Variants in RIPK4 observed in about 807,000 individuals in gnomAD.
RIPK4 encodes the protein receptor interacting serine/threonine kinase 4.
RIPK4 carries 17 observed loss-of-function variants against 42.9 expected under a neutral mutation model. The observed-to-expected ratio is 0.40, with a 90% CI of 0.27 to 0.59. The LOEUF (loss-of-function observed/expected upper bound fraction) is 0.59. Ranked by LOEUF, RIPK4 falls within the 20% of genes least tolerant of loss-of-function variation. The probability of loss-of-function intolerance (pLI) is 0.47; values close to 1 mark genes in which losing one functional copy is unlikely to be tolerated. For synonymous variants in RIPK4, 498 were observed against 499.1 expected (o/e 1.00, Z 0.03); for missense variants, 897 against 1,104.4 (o/e 0.81, Z 2.66).
At chr21:41,745,684 G>T in intron 6 of RIPK4, 75 bp downstream of exon 6, 3 of 1,133,040 alleles carry the variant, frequency 2.6e-6, no homozygotes, top group Non-Finnish European at 4.0e-6. Context: ...GGGGGACTCT[G>T]CAAAGAGGAG....
chr21:41,750,429 C>G (rs139980082), intron 3 of RIPK4, among the ~76,000 whole-genome samples: 75 of 152,342 alleles, frequency 4.9e-4, no homozygotes, highest in African/African-American at 1.6e-3. Context: ...GCTCGCCTCA[C>G]AAAATCAGAG....
intron 6 of RIPK4, among the ~76,000 whole-genome samples, chr21:41,745,172 A>G (rs1330902522): frequency 6.6e-6 from 1 of 152,148 alleles, no homozygotes; most frequent in Non-Finnish European, 1.5e-5. Flanking sequence ...TATTCCTGAT[A>G]TACATATTTC....
intron 1 of RIPK4, among the ~76,000 whole-genome samples, chr21:41,758,069 GA>G: frequency 7.6e-6 from 1 of 131,396 alleles, no homozygotes; most frequent in African/African-American, 3.0e-5. Context: ...GAGAGAGAGA[GA>G]GAGAGAAAAT....
intron 3 of RIPK4, among the ~76,000 whole-genome samples, chr21:41,749,818 T>C (rs1379463464): frequency 1.4e-5 from 2 of 140,120 alleles, no homozygotes; most frequent in Admixed American, 7.5e-5. Context: ...TGCTTAGAAA[T>C]ATATAGATAA....
intron 2 of RIPK4, among the ~76,000 whole-genome samples, chr21:41,752,875 C>T (rs927333495): frequency 4.6e-5 from 7 of 152,036 alleles, no homozygotes; most frequent in African/African-American, 9.7e-5. Context: ...CTAATGCATG[C>T]GGGTCTTAAA....
Position 41,755,273 on chromosome 21 carries a change from G to A in RIPK4, c.474+1252C>T, listed in dbSNP as rs2061199932. ...TCTCAATTTCCTACTTCACTTCGCA[G>A]GACGGTGCTTCATCTTCTAGCTGAA... is the stretch of plus-strand genomic sequence containing the variant. On this transcript the variant is annotated intron_variant, in intron 2 of 7. Transcript: ENST00000332512. This position sits in a 1 kb window ranked among gnomAD's most constrained non-coding sequence, Gnocchi z 4.2. Among the ~76,000 whole-genome samples the A allele has an allele frequency of 1.3e-5, 2 of 152,184 alleles. No homozygotes were observed. The highest frequency in any genetic ancestry group is 2.1e-4 in the South Asian group (1 of 4,830).
rs958289322 is a variant in RIPK4 at position 41,739,434 on chromosome 21, G to C, written c.*1404C>G. The stretch of plus-strand genomic sequence containing the variant: ...TCAAATGGAACTTCTTGTCCCTCAC[G>C]CAGTCCACACAACAGTAAAGGCACA... On this transcript the variant is annotated 3_prime_UTR_variant, in exon 8 of 8. Transcript: ENST00000332512. The C allele has an allele frequency of 6.6e-6, 1 of 152,136 alleles. No homozygotes were observed. Among genetic ancestry groups the C allele is most frequent in the Non-Finnish European group, 1.5e-5 (1 of 68,022 alleles). 9.4% of individuals were successfully genotyped at this position (152,136 alleles called of 1,614,324 possible). A position where few individuals can be genotyped will look rare whatever the true frequency, so the allele number is the denominator to read the frequency against.
chr21:41,749,131 A>G (rs750305027), intron 4 of RIPK4, 23 bp downstream of exon 4: 58 of 1,612,716 alleles, frequency 3.6e-5, no homozygotes, highest in Non-Finnish European at 3.7e-5. Context: ...AGCACATTAC[A>G]CCTCAAAGAC....
At position 41,755,817 on chromosome 21, in the gene RIPK4, AAAGGAGATAC is replaced by A. The variant is rs1445814506; in HGVS notation, c.474+698_474+707del. Among the ~76,000 whole-genome samples, 2 of 152,220 alleles carry A rather than the reference AAAGGAGATAC, an allele frequency of 1.3e-5. No individual in the cohort carries two copies. Among genetic ancestry groups the A allele is most frequent in the Admixed American group, 1.3e-4 (2 of 15,286 alleles). ...TACAACCCTAGCCACGAAGGCCATCAAAGGAGATACAAGGAAATACAGCCCTGATGCAAAG... is the reference window on the plus strand; with the variant it reads ...TACAACCCTAGCCACGAAGGCCATCAAAGGAAATACAGCCCTGATGCAAAG... On this transcript the variant is annotated intron_variant, in intron 2 of 7. Coordinates refer to ENST00000332512, the MANE Select transcript of RIPK4 (RefSeq NM_020639.3). This position sits in a 1 kb window ranked among gnomAD's most constrained non-coding sequence, Gnocchi z 4.2.
rs1461744675 is a variant in RIPK4 at position 41,751,043 on chromosome 21, T to C, written c.623+54A>G. The C allele has an allele frequency of 6.3e-7, 1 of 1,582,402 alleles. No homozygotes were observed. Among genetic ancestry groups the C allele is most frequent in the Admixed American group, 1.7e-5 (1 of 57,492 alleles). On this transcript the variant is annotated intron_variant, in intron 3 of 7. Transcript: ENST00000332512. This position sits in a 1 kb window ranked among gnomAD's most constrained non-coding sequence, Gnocchi z 4.5. ...AGCTGCAGCTCAGGGCATGAAGCAT[T>C]GAGGTTGAGAGCCCCTGGCACCCAC...
At position 41,741,060 on chromosome 21, in the gene RIPK4, G is replaced by A. The variant is rs201330552; in HGVS notation, c.2133C>T (p.Ala711=). Residue 711 remains alanine (A), a synonymous_variant, in exon 8 of 8, where the codon GCC becomes GCT. Transcript: ENST00000332512. Reference sequence around the variant, plus strand: ...CCACCACCTCCGAGTGCCCGTGGGCGGCAGCCAGGTGCAGCGCCGTCTGGT... The same window carrying A: ...CCACCACCTCCGAGTGCCCGTGGGCAGCAGCCAGGTGCAGCGCCGTCTGGT... ...PLNQTALHLA[A]AHGHSEVVEE... The A allele has an allele frequency of 5.3e-5, 86 of 1,610,372 alleles. No individual in the cohort carries two copies. The highest frequency in any genetic ancestry group is 3.3e-4 in the Admixed American group (20 of 59,976).
intron 6 of RIPK4, 128 bp from the exon 7 acceptor site, chr21:41,744,268 G>C (rs2146046922): frequency 2.3e-6 from 2 of 874,948 alleles, no homozygotes; most frequent in Non-Finnish European, 3.4e-6. Context: ...ACGGACCCTG[G>C]AAGCAATGCA....
chr21:41,761,078 C>G (rs2061218991), intron 1 of RIPK4, among the ~76,000 whole-genome samples: 1 of 152,210 alleles, frequency 6.6e-6, no homozygotes, highest in South Asian at 2.1e-4. Context: ...AGGCTTGGGC[C>G]AGGCTCTGGG....
chr21:41,757,766 C>T (rs1302490205), intron 1 of RIPK4, among the ~76,000 whole-genome samples: 9 of 150,624 alleles, frequency 6.0e-5, no homozygotes, highest in African/African-American at 9.8e-5. Context: ...TTTGGGAGGC[C>T]GAAACAGGCA....
At chr21:41,745,544 C>T (rs982754809) in intron 6 of RIPK4, among the ~76,000 whole-genome samples, 8 of 152,200 alleles carry the variant, frequency 5.3e-5, no homozygotes, top group East Asian at 1.9e-4. Flanking sequence ...CCGCCACTCA[C>T]GCAGAATCAG....
Position 41,741,975 on chromosome 21 carries a change from C to A in RIPK4, c.1218G>T (p.Gln406His), listed in dbSNP as rs528067071. 6.2e-7 allele frequency: 1 copy of A among 1,600,628 alleles called. No individual in the cohort carries two copies. The highest frequency in any genetic ancestry group is 2.2e-5 in the East Asian group (1 of 44,654). Residue 406 changes from glutamine (Q) to histidine (H), a missense_variant, in exon 8 of 8, where the codon CAG becomes CAT. Gln to His is a conservative substitution (Grantham distance 24, BLOSUM62 0). Transcript: ENST00000332512. Reference sequence around the variant, plus strand: ...CGATGGCATCCACAAGCTTCTTCTTCTGGACGTCTGTGGTGCCCAGATCTG... The same window carrying A: ...CGATGGCATCCACAAGCTTCTTCTTATGGACGTCTGTGGTGCCCAGATCTG... ...STSDLGTTDV[Q>H]KKKLVDAIVS...
At chr21:41,760,394 T>G (rs2061217157) in intron 1 of RIPK4, among the ~76,000 whole-genome samples, 1 of 152,126 alleles carries the variant, frequency 6.6e-6, no homozygotes, top group Non-Finnish European at 1.5e-5. Flanking sequence ...AGAAGTGTGG[T>G]TGAAAAATCT....
intron 1 of RIPK4, among the ~76,000 whole-genome samples, chr21:41,765,405 A>G (rs1443543939): frequency 6.6e-6 from 1 of 152,234 alleles, no homozygotes; most frequent in African/African-American, 2.4e-5. Flanking sequence ...ACTAGTGGTG[A>G]TTTGATGACA....
rs73906243 is a variant in RIPK4, at chr21:41,744,159, G to C, written c.937-19C>G. 1.9e-6 allele frequency: 3 copies of C among 1,560,706 alleles called. No homozygotes were observed. The highest frequency in any genetic ancestry group is 3.7e-5 in the Admixed American group (2 of 54,784). On this transcript the variant is annotated intron_variant, in intron 6 of 7. Coordinates refer to ENST00000332512, the MANE Select transcript of RIPK4 (RefSeq NM_020639.3). ...GCACCACCTGCGAAGATGCAGAAGA[G>C]GGGGTGGGTGAAGACCCTGCCATAG...
Sources: allele counts gnomAD v4.1 joint callset (sites outside exome capture counted in the v4.1 genomes callset), GRCh38; gene constraint gnomAD v4.1.1; non-coding constraint Gnocchi (gnomAD v3.1); transcripts MANE v1.5; gene names NCBI Gene and HGNC (gene_info 2026-07-23, HGNC 2026-07-21).